Variants in HPSE2 observed in about 807,000 individuals in gnomAD.
HPSE2 encodes the protein inactive heparanase-2.
Under a neutral mutation model 60.5 loss-of-function variants are expected in HPSE2, and 38 were observed. That is an observed-to-expected ratio of 0.63 (90% confidence interval 0.48 to 0.82). The LOEUF is 0.82. HPSE2 is among the 40% of genes least tolerant of loss of function. HPSE2 has a pLI of 0.00. For missense variants in HPSE2, 713 were observed against 740.4 expected (o/e 0.96, Z 0.43); for synonymous variants, 295 against 293.2 (o/e 1.01, Z -0.06).
At chr10:99,210,088 G>A (rs908521704) in intron 2 of HPSE2, among the ~76,000 whole-genome samples, 2 of 152,068 alleles carry the variant, frequency 1.3e-5, no homozygotes, top group Non-Finnish European at 2.9e-5. Context: ...TGAAACAGGA[G>A]GCATTACAAC....
rs1224890767 is a variant in HPSE2 at position 98,937,937 on chromosome 10, C to A, written c.611-193881G>T. 4.2e-5 allele frequency among the ~76,000 whole-genome samples: 6 copies of A among 143,566 alleles called. 1 individual carries two copies. The highest frequency in any genetic ancestry group is 3.5e-4 in the Admixed American group (5 of 14,432). 94.2% of individuals were successfully genotyped at this position (143,566 alleles called of 152,430 possible). On this transcript the variant is annotated intron_variant, in intron 3 of 11. Transcript: ENST00000370552. ...AGCAGCATTCGCGGTTCATAAAAAT[C>A]CACTGTTCTGCAGACACCTCTGCTG...
At chr10:98,833,168 A>T (rs933155700) in intron 3 of HPSE2, among the ~76,000 whole-genome samples, 4 of 152,236 alleles carry the variant, frequency 2.6e-5, no homozygotes, top group African/African-American at 7.2e-5. Context: ...TTCTCCAAAC[A>T]CCTAACAATC....
intron 3 of HPSE2, among the ~76,000 whole-genome samples, chr10:99,094,538 ATATTTTTTTTTTTTTTTT>A (rs1589645858): frequency 4.4e-5 from 1 of 22,736 alleles, no homozygotes; most frequent in Non-Finnish European, 8.7e-5. Flanking sequence ...ATATATATAT[ATATTTTTTTTTTTTTTTT>A]TTTTTTTTTT....
intron 9 of HPSE2, among the ~76,000 whole-genome samples, chr10:98,604,087 T>A (rs1589492893): frequency 6.6e-6 from 1 of 152,188 alleles, no homozygotes; most frequent in East Asian, 1.9e-4. Context: ...ACCTGATACA[T>A]CACAGCTATC....
chr10:98,713,945 T>C (rs997547198), intron 5 of HPSE2, among the ~76,000 whole-genome samples: 1 of 151,936 alleles, frequency 6.6e-6, no homozygotes, highest in Non-Finnish European at 1.5e-5. Flanking sequence ...TCACATATGG[T>C]ATTTCTTCTC....
intron 3 of HPSE2, among the ~76,000 whole-genome samples, chr10:98,813,757 TTA>T (rs1337055843): frequency 3.3e-5 from 5 of 152,198 alleles, no homozygotes; most frequent in Non-Finnish European, 5.9e-5. Context: ...TAACAAATGG[TTA>T]TGTTCATCAT....
intron 8 of HPSE2, among the ~76,000 whole-genome samples, chr10:98,618,279 A>T (rs996718416): frequency 2.0e-5 from 3 of 152,192 alleles, no homozygotes; most frequent in Non-Finnish European, 2.9e-5. Context: ...TGACTGTAGG[A>T]ATCTATGGCT....
intron 3 of HPSE2, among the ~76,000 whole-genome samples, chr10:99,071,078 T>C (rs1035963164): frequency 2.0e-5 from 3 of 150,978 alleles, no homozygotes; most frequent in Non-Finnish European, 4.4e-5. Flanking sequence ...TCTTTTTTTT[T>C]TTTTTTTTGA....
chr10:99,250,452 G>A, the HPSE2 span, among the ~76,000 whole-genome samples: 9 of 152,248 alleles, frequency 5.9e-5, no homozygotes, highest in Admixed American at 3.9e-4. Context: ...GATCATTGAG[G>A]CACAAATATA....
chr10:98,954,251 G>A (rs1955446599), intron 3 of HPSE2, among the ~76,000 whole-genome samples: 1 of 152,044 alleles, frequency 6.6e-6, no homozygotes, highest in African/African-American at 2.4e-5. Flanking sequence ...AGGTTGCAGT[G>A]AGCAGAGATC....
At chr10:98,604,422 A>G (rs1945520528) in intron 9 of HPSE2, among the ~76,000 whole-genome samples, 1 of 152,210 alleles carries the variant, frequency 6.6e-6, no homozygotes, top group East Asian at 1.9e-4. Flanking sequence ...TTGAGGATAT[A>G]TCAATAGAAA....
At chr10:98,810,744 A>G (rs1951150903) in intron 3 of HPSE2, among the ~76,000 whole-genome samples, 1 of 152,080 alleles carries the variant, frequency 6.6e-6, no homozygotes, top group South Asian at 2.1e-4. Context: ...AACAATAATG[A>G]CAGTTGATGA....
At chr10:98,801,757 T>A (rs1229594133) in intron 3 of HPSE2, among the ~76,000 whole-genome samples, 1 of 152,088 alleles carries the variant, frequency 6.6e-6, no homozygotes, top group Non-Finnish European at 1.5e-5. Flanking sequence ...TGTTAAAGTG[T>A]TCACACTACC....
intron 3 of HPSE2, among the ~76,000 whole-genome samples, chr10:98,834,016 A>T (rs910353671): frequency 6.6e-6 from 1 of 152,196 alleles, no homozygotes; most frequent in Non-Finnish European, 1.5e-5. Context: ...TACCTTTAAA[A>T]TGCTACTGAT....
At chr10:98,818,383 G>A (rs558489688) in intron 3 of HPSE2, among the ~76,000 whole-genome samples, 25 of 152,118 alleles carry the variant, frequency 1.6e-4, no homozygotes, top group Admixed American at 1.6e-3. Flanking sequence ...TATATCCCTC[G>A]CTTGTGCAGT....
At chr10:98,792,246 A>G (rs987027856) in intron 3 of HPSE2, among the ~76,000 whole-genome samples, 6 of 152,000 alleles carry the variant, frequency 3.9e-5, no homozygotes, top group African/African-American at 1.2e-4. Context: ...GTACACACTC[A>G]TTTTTCTTTT....
At chr10:99,260,011 CA>C in the HPSE2 span, among the ~76,000 whole-genome samples, 1 of 152,108 alleles carries the variant, frequency 6.6e-6, no homozygotes, top group Non-Finnish European at 1.5e-5. Context: ...TTCCTGGTGC[CA>C]AAAAGGTAGG....
At chr10:98,651,750 G>GC (rs1282836697) in intron 6 of HPSE2, among the ~76,000 whole-genome samples, 1 of 150,874 alleles carries the variant, frequency 6.6e-6, no homozygotes, top group Non-Finnish European at 1.5e-5. Flanking sequence ...TAGAAGGGTA[G>GC]ATCCCCTTTA....
intron 9 of HPSE2, among the ~76,000 whole-genome samples, chr10:98,569,955 A>T (rs1314502633): frequency 6.6e-6 from 1 of 152,194 alleles, no homozygotes; most frequent in Non-Finnish European, 1.5e-5. Flanking sequence ...TAGTCTCCTA[A>T]TTAAGAACTC....
Sources: allele counts gnomAD v4.1 joint callset (sites outside exome capture counted in the v4.1 genomes callset), GRCh38; gene constraint gnomAD v4.1.1; transcripts MANE v1.5; gene names NCBI Gene and HGNC (gene_info 2026-07-23, HGNC 2026-07-21).